The following MCF2L variants were observed in gnomAD, a reference collection of about 807,000 sequenced individuals.
MCF2L encodes the protein guanine nucleotide exchange factor DBS.
A neutral mutation model predicts 153.4 loss-of-function variants in MCF2L; 97 were observed. That is an observed-to-expected ratio of 0.63 (90% CI 0.54 to 0.75). The LOEUF (loss-of-function observed/expected upper bound fraction) is 0.75, where lower values mean the gene tolerates loss of function less well. Among genes scored for constraint, MCF2L ranks in the 30% least tolerant of loss-of-function variants. The probability of loss-of-function intolerance (pLI) is 0.00; values close to 1 mark genes in which losing one functional copy is unlikely to be tolerated. For synonymous variants in MCF2L, 659 were observed against 632.2 expected (o/e 1.04, Z -0.64); for missense variants, 1,347 against 1,495.2 (o/e 0.90, Z 1.64).
At chr13:112,968,568 C>T, upstream of MCF2L, 15 of 1,542,446 alleles carry the variant, frequency 9.7e-6, no homozygotes, top group South Asian at 4.7e-5. Flanking sequence ...GGTCCATCCC[C>T]GGCCAGCCAC....
chr13:113,079,401 C>T (rs1469934933), intron 15 of MCF2L, among the ~76,000 whole-genome samples: 6 of 150,274 alleles, frequency 4.0e-5, no homozygotes, highest in Admixed American at 4.0e-4. Context: ...AGGCCACACA[C>T]CGACCAGGCA....
At chr13:113,087,524 C>T (rs2034750034) in intron 22 of MCF2L, 68 bp downstream of exon 22, 10 of 1,373,962 alleles carry the variant, frequency 7.3e-6, no homozygotes, top group African/African-American at 1.4e-5. Context: ...GTCTGTAACT[C>T]GGTCTGAGGT....
At position 113,045,069 on chromosome 13, in the gene MCF2L, C is replaced by A; in HGVS notation, c.279-202C>A. ...AATAAGAACACACCAAAAGTGCCTGCCCTTCCGTAGATGAGAGCAGGTTCT... is the reference window on the plus strand; with the variant it reads ...AATAAGAACACACCAAAAGTGCCTGACCTTCCGTAGATGAGAGCAGGTTCT... On this transcript the variant is annotated intron_variant, in intron 3 of 29. Transcript: ENST00000535094. The surrounding 1 kb of genome is among the most constrained non-coding windows in gnomAD (Gnocchi z 4.2). The A allele has an allele frequency of 9.9e-7, 1 of 1,006,776 alleles. No individual in the cohort carries two copies. The highest frequency in any genetic ancestry group is 1.5e-6 in the Non-Finnish European group (1 of 680,644). 62.4% of individuals were successfully genotyped at this position (1,006,776 alleles called of 1,614,324 possible).
At chr13:113,060,024 G>A (rs1430162021) in intron 4 of MCF2L, among the ~76,000 whole-genome samples, 1 of 152,250 alleles carries the variant, frequency 6.6e-6, no homozygotes, top group Non-Finnish European at 1.5e-5. Context: ...CTGAACTCAG[G>A]TGTGGCCGGA....
chr13:113,000,960 A>G (rs2083343876), intron 1 of MCF2L, among the ~76,000 whole-genome samples: 1 of 152,138 alleles, frequency 6.6e-6, no homozygotes, highest in South Asian at 2.1e-4. Flanking sequence ...ACTGGGTGTG[A>G]TATTCTCAGG....
chr13:112,918,529 T>C (rs3011503), intron 2 of MCF2L, among the ~76,000 whole-genome samples: 53,334 of 151,840 alleles, frequency 0.35, 9,478 homozygotes, highest in South Asian at 0.47. Flanking sequence ...GACCACACCC[T>C]GGAAAGGCCA....
chr13:113,038,427 T>G (rs1205114489), intron 3 of MCF2L, among the ~76,000 whole-genome samples: 2 of 144,806 alleles, frequency 1.4e-5, no homozygotes, highest in Non-Finnish European at 3.0e-5. Context: ...ATCGCGCCAC[T>G]GCACTCCAGC....
chr13:112,911,949 G>A lies in MCF2L; in HGVS notation c.169+9578G>A, dbSNP rs1157701451. On this transcript the variant is annotated intron_variant, in intron 2 of 29. Transcript: ENST00000375608. ...GCAGGCTAGGTGGCCAATCCGCCAA[G>A]AATAGGAATGAGATGAACTTTGAAT... Among the ~76,000 whole-genome samples, 4 of 152,228 alleles carry A rather than the reference G, an allele frequency of 2.6e-5. No individual in the cohort carries two copies. The East Asian group carries it at 7.7e-4, about 29-fold the overall frequency.
At chr13:112,929,591 G>A (rs930106607) in intron 2 of MCF2L, among the ~76,000 whole-genome samples, 1 of 152,188 alleles carries the variant, frequency 6.6e-6, no homozygotes, top group Non-Finnish European at 1.5e-5. Flanking sequence ...CATGGAGTCT[G>A]CCCCTGCCCT....
chr13:112,924,938 G>A lies in MCF2L; in HGVS notation c.169+22567G>A, dbSNP rs2081387812. Among the ~76,000 whole-genome samples, 3 of 152,206 alleles carry A rather than the reference G, an allele frequency of 2.0e-5. No individual in the cohort carries two copies. The South Asian group carries it at 6.2e-4, about 32-fold the overall frequency. ...GAAGCAAATCAGGCTGCCTGGGGAA[G>A]ATCCATGTAGCTCAAGGCAGCATGT... On this transcript the variant is annotated intron_variant, in intron 2 of 29. Coordinates refer to the MCF2L transcript ENST00000375608.
At position 113,055,385 on chromosome 13, in the gene MCF2L, CACACACACACACA is replaced by C. The variant is rs1566811518; in HGVS notation, c.370-5207_370-5195del. On this transcript the variant is annotated intron_variant, in intron 4 of 29. Coordinates refer to ENST00000535094, the MANE Select transcript of MCF2L (RefSeq NM_001112732.3). ...GAGACGTGGACCCCCCCCCCCGCCA[CACACACACACACA>C]CACACACACACACACACACACACAC... Among the ~76,000 whole-genome samples, 3 of 8,930 alleles carry C rather than the reference CACACACACACACA, an allele frequency of 3.4e-4. 1 individual carries two copies. The highest frequency in any genetic ancestry group is 4.6e-4 in the African/African-American group (1 of 2,164). 5.9% of individuals were successfully genotyped at this position (8,930 alleles called of 152,430 possible). A position where few individuals can be genotyped will look rare whatever the true frequency, so the allele number is the denominator to read the frequency against.
intron 7 of MCF2L, 60 bp downstream of exon 7, chr13:113,065,145 C>A (rs1191066702): frequency 6.3e-7 from 1 of 1,587,772 alleles, no homozygotes. Flanking sequence ...AGAAGCTGCG[C>A]GGGGCTCCGG....
intron 2 of MCF2L, among the ~76,000 whole-genome samples, chr13:112,948,122 C>T (rs1218134260): frequency 6.6e-6 from 1 of 152,214 alleles, no homozygotes; most frequent in Non-Finnish European, 1.5e-5. Context: ...CTGGGCTTCT[C>T]TCCCTAAACT....
chr13:113,047,868 G>T (rs1232984660), intron 4 of MCF2L, among the ~76,000 whole-genome samples: 1 of 152,050 alleles, frequency 6.6e-6, no homozygotes, highest in Non-Finnish European at 1.5e-5. Context: ...CACTACGCGT[G>T]CCCCAGAGCC....
At chr13:113,095,774 T>C in intron 27 of MCF2L, 1 of 1,000,568 alleles carries the variant, frequency 1.0e-6, no homozygotes, top group African/African-American at 1.7e-5. Context: ...CTCCCCACTC[T>C]GTAGGAACAG....
At chr13:112,944,261 G>C (rs567744418) in intron 2 of MCF2L, among the ~76,000 whole-genome samples, 14 of 152,172 alleles carry the variant, frequency 9.2e-5, no homozygotes, top group Admixed American at 8.5e-4. Context: ...TGAAGGGAGG[G>C]TCCCGGGTGA....
intron 2 of MCF2L, among the ~76,000 whole-genome samples, chr13:112,910,860 C>T (rs1436486815): frequency 1.3e-5 from 2 of 152,234 alleles, no homozygotes; most frequent in African/African-American, 4.8e-5. Context: ...GTGTTAATTA[C>T]CTAACACTTT....
At chr13:113,081,482 G>T (rs2034131918) in intron 16 of MCF2L, among the ~76,000 whole-genome samples, 1 of 152,254 alleles carries the variant, frequency 6.6e-6, no homozygotes, top group East Asian at 1.9e-4. Context: ...GCTCAGGGGG[G>T]TCCGTACAGG....
chr13:113,008,461 T>C (rs1378109407), intron 1 of MCF2L, among the ~76,000 whole-genome samples: 1 of 152,192 alleles, frequency 6.6e-6, no homozygotes, highest in Non-Finnish European at 1.5e-5. Context: ...TTAAATTCAG[T>C]GCCGTAACTC....
Sources: allele counts gnomAD v4.1 joint callset (sites outside exome capture counted in the v4.1 genomes callset), GRCh38; gene constraint gnomAD v4.1.1; non-coding constraint Gnocchi (gnomAD v3.1); transcripts MANE v1.5; gene names NCBI Gene and HGNC (gene_info 2026-07-23, HGNC 2026-07-21).